ZFHX3: variants seen among roughly 807,000 people sequenced by gnomAD.
ZFHX3 encodes zinc finger homeobox protein 3.
In ZFHX3, 42 loss-of-function variants were observed where a neutral mutation model predicts 279.1. The ratio of observed to expected loss-of-function variants is 0.15; its 90% CI spans 0.12 to 0.19. The LOEUF (loss-of-function observed/expected upper bound fraction) is 0.19, where lower values mean the gene tolerates loss of function less well. ZFHX3 is among the 10% of genes least tolerant of loss of function. The probability of loss-of-function intolerance (pLI) is 1.00; values close to 1 mark genes in which losing one functional copy is unlikely to be tolerated. For synonymous variants in ZFHX3, 2,293 were observed against 1,957.8 expected (o/e 1.17, Z -4.52); for missense variants, 4,981 against 4,754.0 (o/e 1.05, Z -1.40).
At chr16:73,239,147 A>G (rs914250218) in intron 5 of ZFHX3, among the ~76,000 whole-genome samples, 3 of 152,202 alleles carry the variant, frequency 2.0e-5, no homozygotes, top group Non-Finnish European at 4.4e-5. Flanking sequence ...TTTTATTCCA[A>G]GTATCATAAA....
chr16:72,926,969 G>C (rs1351115059), intron 3 of ZFHX3, among the ~76,000 whole-genome samples: 1 of 152,220 alleles, frequency 6.6e-6, no homozygotes, highest in African/African-American at 2.4e-5. Flanking sequence ...CAAGAGGTCA[G>C]GAGACAGAGA....
chr16:73,093,879 T>C, intron 7 of ZFHX3: 1 of 285,318 alleles, frequency 3.5e-6, no homozygotes, highest in South Asian at 3.6e-5. Flanking sequence ...AACAAGCTAC[T>C]AATAGTACTA....
chr16:73,161,803 G>T (rs1271939422), intron 5 of ZFHX3, among the ~76,000 whole-genome samples: 3 of 152,114 alleles, frequency 2.0e-5, no homozygotes, highest in Non-Finnish European at 4.4e-5. Flanking sequence ...TTAATCCATA[G>T]GTGGCCTGTT....
intron 1 of ZFHX3, among the ~76,000 whole-genome samples, chr16:73,889,397 A>C (rs1687304628): frequency 2.0e-5 from 3 of 152,318 alleles, no homozygotes; most frequent in Admixed American, 1.3e-4. Context: ...CCCAGGCTAG[A>C]GTCAGCACAG....
intron 5 of ZFHX3, among the ~76,000 whole-genome samples, chr16:73,209,660 G>C (rs187637856): frequency 2.3e-4 from 35 of 152,158 alleles, no homozygotes; most frequent in Non-Finnish European, 4.3e-4. Flanking sequence ...AACTATAGCT[G>C]GTATTGTTTT....
intron 2 of ZFHX3, among the ~76,000 whole-genome samples, chr16:73,525,193 G>T (rs759968587): frequency 6.6e-6 from 1 of 152,118 alleles, no homozygotes; most frequent in Non-Finnish European, 1.5e-5. Flanking sequence ...TCCTGTTGGC[G>T]ATTTTTCTTC....
At position 72,793,465 on chromosome 16, in the gene ZFHX3, G is replaced by C. The variant is rs149453115; in HGVS notation, c.9217C>G (p.Arg3073Gly). The C allele has an allele frequency of 2.0e-5, 32 of 1,614,052 alleles. No homozygotes were observed. The highest frequency in any genetic ancestry group is 2.5e-6 in the Non-Finnish European group (3 of 1,180,044). The change falls in exon 9 of 10, where the codon CGT becomes GGT. Residue 3073 changes from arginine (R) to glycine (G), a missense_variant. Coordinates refer to ENST00000268489, the MANE Select transcript of ZFHX3 (RefSeq NM_006885.4). This position sits in a 1 kb window ranked among gnomAD's most constrained non-coding sequence, Gnocchi z 4.3. The part of the protein sequence containing the change: ...EKEYFDPATV[R>G]QLMAQQELDR... ...AACTCTTGTTGAGCCATCAACTGAC[G>C]TACGGTGGCTGGGTCAAAGTATTCT...
intron 5 of ZFHX3, among the ~76,000 whole-genome samples, chr16:73,186,533 A>C (rs1215507543): frequency 6.6e-6 from 1 of 151,876 alleles, no homozygotes; most frequent in African/African-American, 2.4e-5. Flanking sequence ...TATACCAGCC[A>C]ATTCCCTAGT....
intron 4 of ZFHX3, among the ~76,000 whole-genome samples, chr16:73,315,062 T>G (rs149714956): frequency 0.018 from 2,702 of 152,174 alleles, 87 homozygotes; most frequent in African/African-American, 0.061. Flanking sequence ...ACCCTGTCTC[T>G]ACTAAAAATA....
intron 3 of ZFHX3, among the ~76,000 whole-genome samples, chr16:73,347,975 C>A (rs1255960462): frequency 1.3e-5 from 2 of 152,120 alleles, no homozygotes; most frequent in African/African-American, 2.4e-5. Context: ...AAAAAGCTGG[C>A]AGAATATCAA....
intron 2 of ZFHX3, among the ~76,000 whole-genome samples, chr16:73,614,431 G>T (rs1341270375): frequency 6.6e-6 from 1 of 152,176 alleles, no homozygotes; most frequent in Non-Finnish European, 1.5e-5. Flanking sequence ...TTTGAAAGAT[G>T]TAAATACCAT....
At chr16:73,637,759 GAA>G (rs1391015982) in intron 2 of ZFHX3, among the ~76,000 whole-genome samples, 1 of 151,110 alleles carries the variant, frequency 6.6e-6, no homozygotes, top group Admixed American at 6.6e-5. Flanking sequence ...TGAACAAATT[GAA>G]AAAAAAGTTT....
intron 1 of ZFHX3, among the ~76,000 whole-genome samples, chr16:73,793,907 G>A (rs1959908444): frequency 6.6e-6 from 1 of 152,070 alleles, no homozygotes; most frequent in Non-Finnish European, 1.5e-5. Flanking sequence ...GTTCAAAAAT[G>A]GATAGCCTTT....
chr16:72,883,593 T>C (rs1251304050), intron 4 of ZFHX3, among the ~76,000 whole-genome samples: 1 of 152,242 alleles, frequency 6.6e-6, no homozygotes. Flanking sequence ...AACTCCATTT[T>C]TCATTTAACA....
chr16:73,135,551 T>A (rs1966773440), intron 6 of ZFHX3, among the ~76,000 whole-genome samples: 1 of 152,194 alleles, frequency 6.6e-6, no homozygotes, highest in South Asian at 2.1e-4. Context: ...AATCGCTCAC[T>A]TCTCTGAGAG....
chr16:72,810,067 G>A (rs1478581216), intron 7 of ZFHX3, among the ~76,000 whole-genome samples: 1 of 151,890 alleles, frequency 6.6e-6, no homozygotes. Context: ...TTATTTTTCA[G>A]TAGAGACAGG....
intron 3 of ZFHX3, among the ~76,000 whole-genome samples, chr16:73,375,707 C>T (rs978008082): frequency 2.6e-5 from 4 of 152,100 alleles, no homozygotes; most frequent in African/African-American, 9.7e-5. Context: ...CTCAATTATC[C>T]ATGATAATAA....
chr16:73,241,298 A>C (rs539227051), intron 5 of ZFHX3, among the ~76,000 whole-genome samples: 5 of 148,798 alleles, frequency 3.4e-5, no homozygotes, highest in Admixed American at 3.4e-4. Flanking sequence ...TTAGAAACTC[A>C]TTTTTGCTTT....
At chr16:73,075,919 C>T (rs1392333680) in intron 8 of ZFHX3, among the ~76,000 whole-genome samples, 1 of 152,070 alleles carries the variant, frequency 6.6e-6, no homozygotes, top group Non-Finnish European at 1.5e-5. Flanking sequence ...TGTGAGCCAC[C>T]GCACCCGGCC....
Sources: allele counts gnomAD v4.1 joint callset (sites outside exome capture counted in the v4.1 genomes callset), GRCh38; gene constraint gnomAD v4.1.1; non-coding constraint Gnocchi (gnomAD v3.1); transcripts MANE v1.5; gene names NCBI Gene and HGNC (gene_info 2026-07-23, HGNC 2026-07-21).